GRHL2: variants seen among roughly 807,000 people sequenced by gnomAD.
GRHL2 encodes grainyhead-like protein 2 homolog.
Under a neutral mutation model 83.8 loss-of-function variants are expected in GRHL2, and 21 were observed. The observed-to-expected ratio is 0.25, with a 90% confidence interval of 0.18 to 0.36. The LOEUF (loss-of-function observed/expected upper bound fraction) is 0.36, where lower values mean the gene tolerates loss of function less well. Ranked by LOEUF, GRHL2 falls within the 10% of genes least tolerant of loss-of-function variation. The pLI is 1.00. For missense variants in GRHL2, 623 were observed against 781.8 expected (o/e 0.80, Z 2.42); for synonymous variants, 280 against 278.9 (o/e 1.00, Z -0.04).
At chr8:101,587,034 T>C (rs1586121817) in intron 7 of GRHL2, among the ~76,000 whole-genome samples, 1 of 152,242 alleles carries the variant, frequency 6.6e-6, no homozygotes, top group African/African-American at 2.4e-5. Flanking sequence ...ATGTCTCCTT[T>C]TAAACTTAAC....
chr8:101,525,070 G>C (rs1254117699), intron 1 of GRHL2, among the ~76,000 whole-genome samples: 2 of 152,028 alleles, frequency 1.3e-5, no homozygotes, highest in Admixed American at 1.3e-4. Context: ...AGCTTCCTGC[G>C]TAGCTGGGAT....
At chr8:101,626,767 T>C (rs1211363810) in intron 9 of GRHL2, among the ~76,000 whole-genome samples, 1 of 152,076 alleles carries the variant, frequency 6.6e-6, no homozygotes, top group Non-Finnish European at 1.5e-5. Context: ...ACTAGACTTT[T>C]GCACTTTAAT....
At chr8:101,633,451 C>G (rs1388281664) in intron 11 of GRHL2, among the ~76,000 whole-genome samples, 1 of 152,108 alleles carries the variant, frequency 6.6e-6, no homozygotes, top group Admixed American at 6.6e-5. Flanking sequence ...AAGAGAAATC[C>G]CTACTGGCTT....
At chr8:101,601,519 A>C (rs4734544) in intron 8 of GRHL2, among the ~76,000 whole-genome samples, 78,429 of 151,988 alleles carry the variant, frequency 0.52, 22,145 homozygotes, top group African/African-American at 0.75. Flanking sequence ...CCTTGTCTAA[A>C]TGTGTGTGCC....
intron 8 of GRHL2, among the ~76,000 whole-genome samples, chr8:101,614,141 T>C (rs192798575): frequency 6.6e-6 from 1 of 151,054 alleles, no homozygotes; most frequent in South Asian, 2.1e-4. Context: ...GTATGCATAA[T>C]GTACAACTGA....
At chr8:101,664,056 C>A (rs748763983) in intron 14 of GRHL2, among the ~76,000 whole-genome samples, 8 of 152,122 alleles carry the variant, frequency 5.3e-5, no homozygotes, top group Non-Finnish European at 1.0e-4. Context: ...TCTTCCTCTA[C>A]TTTTATGGTT....
At chr8:101,521,885 G>T (rs576157470) in intron 1 of GRHL2, among the ~76,000 whole-genome samples, 44 of 152,314 alleles carry the variant, frequency 2.9e-4, no homozygotes, top group Admixed American at 1.1e-3. Context: ...CTTAATAGGA[G>T]AGACTGTGTC....
chr8:101,593,059 G>C (rs180809293), intron 7 of GRHL2, among the ~76,000 whole-genome samples: 1 of 152,200 alleles, frequency 6.6e-6, no homozygotes, highest in East Asian at 1.9e-4. Flanking sequence ...TGATTCTCCT[G>C]CCTCAGCCTT....
chr8:101,674,826 C>A, the GRHL2 span, among the ~76,000 whole-genome samples: 4 of 152,074 alleles, frequency 2.6e-5, no homozygotes, highest in African/African-American at 9.6e-5. Context: ...ACTGGCAAAA[C>A]GAATCCAGCA....
At chr8:101,554,691 G>A (rs1439550180) in intron 3 of GRHL2, among the ~76,000 whole-genome samples, 1 of 152,184 alleles carries the variant, frequency 6.6e-6, no homozygotes, top group Non-Finnish European at 1.5e-5. Flanking sequence ...TTTGTATACA[G>A]AAGTTGCTAC....
chr8:101,590,153 A>C (rs993657803), intron 7 of GRHL2, among the ~76,000 whole-genome samples: 2 of 152,316 alleles, frequency 1.3e-5, no homozygotes, highest in Non-Finnish European at 2.9e-5. Flanking sequence ...TGATGGAAAT[A>C]CTTTAGTGCC....
intron 1 of GRHL2, among the ~76,000 whole-genome samples, chr8:101,532,036 G>A (rs1249162717): frequency 6.6e-6 from 1 of 152,196 alleles, no homozygotes; most frequent in Admixed American, 6.5e-5. Flanking sequence ...TCTTTAACGT[G>A]AAGCTATCAA....
At chr8:101,647,268 G>T (rs919783592) in intron 13 of GRHL2, among the ~76,000 whole-genome samples, 3 of 152,204 alleles carry the variant, frequency 2.0e-5, no homozygotes, top group African/African-American at 7.2e-5. Context: ...AGGAGGCTGA[G>T]GCATGAGACT....
At chr8:101,553,049 C>T (rs943290319) in intron 3 of GRHL2, among the ~76,000 whole-genome samples, 1 of 152,210 alleles carries the variant, frequency 6.6e-6, no homozygotes, top group Non-Finnish European at 1.5e-5. Flanking sequence ...AGGTGAGATG[C>T]TGGTAAGATA....
chr8:101,600,627 C>A (rs571608313), intron 8 of GRHL2, among the ~76,000 whole-genome samples: 5 of 152,324 alleles, frequency 3.3e-5, no homozygotes, highest in African/African-American at 1.2e-4. Context: ...ACTGAGTCAT[C>A]CTGAGCAAGT....
intron 7 of GRHL2, 118 bp downstream of exon 7, chr8:101,577,637 G>A (rs570342979): frequency 1.9e-5 from 14 of 734,808 alleles, no homozygotes; most frequent in African/African-American, 3.4e-5. Context: ...TGATGTGCCC[G>A]GCACTAGTCT....
intron 14 of GRHL2, among the ~76,000 whole-genome samples, chr8:101,661,122 TA>T: frequency 6.6e-6 from 1 of 152,106 alleles, no homozygotes; most frequent in South Asian, 2.1e-4. Flanking sequence ...CTTAAAACAT[TA>T]TGAATATTTT....
At chr8:101,659,472 A>T (rs1296749280) in intron 14 of GRHL2, among the ~76,000 whole-genome samples, 1 of 152,210 alleles carries the variant, frequency 6.6e-6, no homozygotes, top group Non-Finnish European at 1.5e-5. Context: ...TTGTCCTTCA[A>T]GGATTTTTTC....
intron 8 of GRHL2, among the ~76,000 whole-genome samples, chr8:101,604,923 T>C (rs1425465322): frequency 2.0e-5 from 3 of 152,186 alleles, no homozygotes; most frequent in Admixed American, 1.3e-4. Flanking sequence ...TGCCTCTGCT[T>C]TCAGAAGCAG....
Sources: allele counts gnomAD v4.1 joint callset (sites outside exome capture counted in the v4.1 genomes callset), GRCh38; gene constraint gnomAD v4.1.1; transcripts MANE v1.5; gene names NCBI Gene and HGNC (gene_info 2026-07-23, HGNC 2026-07-21).